OTOA: variants seen among roughly 807,000 people sequenced by gnomAD.
OTOA encodes the protein otoancorin.
A neutral mutation model predicts 110.8 loss-of-function variants in OTOA; 70 were observed. The ratio of observed to expected loss-of-function variants is 0.63; its 90% confidence interval spans 0.52 to 0.77. The LOEUF is 0.77. Ranked by LOEUF, OTOA falls within the 30% of genes least tolerant of loss-of-function variation. OTOA has a pLI of 0.00. For synonymous variants in OTOA, 373 were observed against 431.5 expected (o/e 0.86, Z 1.68); for missense variants, 917 against 1,075.8 (o/e 0.85, Z 2.06).
At chr16:21,697,689 G>T in intron 9 of OTOA, 86 bp from the exon 10 acceptor site, 1 of 1,230,870 alleles carries the variant, frequency 8.1e-7, no homozygotes, top group Non-Finnish European at 1.2e-6. Context: ...GGTCTTGACA[G>T]CAAAGATGCT....
chr16:21,705,736 C>T (rs1898151976), intron 12 of OTOA, among the ~76,000 whole-genome samples: 1 of 152,052 alleles, frequency 6.6e-6, no homozygotes, highest in Non-Finnish European at 1.5e-5. Flanking sequence ...CACCTGAGGT[C>T]AGTTTGAGAC....
chr16:21,737,003 C>G lies in OTOA; in HGVS notation c.2431+613C>G, dbSNP rs2141992. On this transcript the variant is annotated intron_variant, in intron 22 of 28. Transcript: ENST00000646100. ...AGCAGTGACAGGGCCGGGCTGGCTACATTTCACTCCTGAGTCTGCCACTTA... is the reference window on the plus strand; with the variant it reads ...AGCAGTGACAGGGCCGGGCTGGCTAGATTTCACTCCTGAGTCTGCCACTTA... Among the ~76,000 whole-genome samples the G allele has an allele frequency of 4.6e-5, 7 of 152,018 alleles. No individual in the cohort carries two copies. In the East Asian group the frequency reaches 8.0e-4, roughly 17 times the overall value.
At chr16:21,696,449 G>T (rs948120771) in intron 9 of OTOA, among the ~76,000 whole-genome samples, 3 of 152,132 alleles carry the variant, frequency 2.0e-5, no homozygotes, top group Non-Finnish European at 4.4e-5. Flanking sequence ...AGAATGTTTT[G>T]GGGAGGTACA....
chr16:21,704,776 G>GT (rs1898121692), intron 11 of OTOA, among the ~76,000 whole-genome samples: 1 of 152,278 alleles, frequency 6.6e-6, no homozygotes, highest in Non-Finnish European at 1.5e-5. Context: ...GCTCAAATCT[G>GT]TGTCTCTGAG....
At chr16:21,675,151 T>TTC (rs1202603333) in intron 1 of OTOA, among the ~76,000 whole-genome samples, 1 of 147,776 alleles carries the variant, frequency 6.8e-6, no homozygotes, top group Non-Finnish European at 1.5e-5. Context: ...TTCTTTTTCT[T>TTC]TCTCTCTCTC....
chr16:21,705,224 G>A lies in OTOA; in HGVS notation c.1036G>A (p.Ala346Thr), dbSNP rs559229159. 6.2e-7 allele frequency: 1 copy of A among 1,614,144 alleles called. No individual in the cohort carries two copies. The highest frequency in any genetic ancestry group is 1.1e-5 in the South Asian group (1 of 91,080). Reference sequence around the variant, plus strand: ...CCTGGAATTGCTGGATGCCACTGTGGCTCAAGTCCTGCTTTACCAGATGAT... The same window carrying A: ...CCTGGAATTGCTGGATGCCACTGTGACTCAAGTCCTGCTTTACCAGATGAT... ...NDLELLDATV[A>T]QVLLYQMIKC... The change falls in exon 12 of 29, where the codon GCT becomes ACT. Residue 346 changes from alanine (A) to threonine (T), a missense_variant. By Grantham distance (58) the Ala-to-Thr change is moderately conservative. Transcript: ENST00000646100.
intron 17 of OTOA, among the ~76,000 whole-genome samples, chr16:21,722,022 G>A (rs1008106148): frequency 1.3e-4 from 18 of 140,180 alleles, no homozygotes; most frequent in East Asian, 4.1e-4. Flanking sequence ...TTAGGAGTTC[G>A]AAACCAGCCT....
chr16:21,688,851 T>C (rs555345789), intron 8 of OTOA, among the ~76,000 whole-genome samples: 1 of 152,276 alleles, frequency 6.6e-6, no homozygotes, highest in African/African-American at 2.4e-5. Flanking sequence ...AACGCAAACA[T>C]TCAGTCCACA....
At chr16:21,736,999 G>T (rs1416916965) in intron 22 of OTOA, among the ~76,000 whole-genome samples, 2 of 152,306 alleles carry the variant, frequency 1.3e-5, no homozygotes, top group African/African-American at 2.4e-5. Flanking sequence ...GGCCGGGCTG[G>T]CTACATTTCA....
At chr16:21,697,037 C>CTTTTTTTTTTTTTTTTTT (rs56124254) in intron 9 of OTOA, among the ~76,000 whole-genome samples, 1 of 65,034 alleles carries the variant, frequency 1.5e-5, no homozygotes, top group African/African-American at 6.7e-5. Context: ...CTACAGCTGG[C>CTTTTTTTTTTTTTTTTTT]TTTTTTTTTT....
At chr16:21,738,868 G>A (rs1899439826) in intron 22 of OTOA, among the ~76,000 whole-genome samples, 1 of 151,760 alleles carries the variant, frequency 6.6e-6, no homozygotes, top group African/African-American at 2.4e-5. Flanking sequence ...TGGGGCTTAG[G>A]AGACTAAGGG....
chr16:21,704,662 G>A (rs140141574), intron 11 of OTOA, among the ~76,000 whole-genome samples: 2 of 152,154 alleles, frequency 1.3e-5, no homozygotes, highest in African/African-American at 4.8e-5. Flanking sequence ...AACCAAACTG[G>A]GTCTGTTTGC....
chr16:21,672,240 A>G (rs988381998), intron 1 of OTOA, among the ~76,000 whole-genome samples: 2 of 152,158 alleles, frequency 1.3e-5, no homozygotes, highest in Non-Finnish European at 1.5e-5. Context: ...GTTGTTGCCT[A>G]TATCAGTAGT....
Position 21,674,491 on chromosome 16 carries a change from G to C in OTOA, c.-4-4020G>C, listed in dbSNP as rs549740183. On this transcript the variant is annotated intron_variant, in intron 1 of 28. Transcript: ENST00000646100. Reference sequence around the variant, plus strand: ...TGGGACTACAGGCATGAGCCACCATGCCCGGCTAATATTTGTATTTTTAGT... The same window carrying C: ...TGGGACTACAGGCATGAGCCACCATCCCCGGCTAATATTTGTATTTTTAGT... Among the ~76,000 whole-genome samples, 35 of 151,960 alleles carry C rather than the reference G, an allele frequency of 2.3e-4. No homozygotes were observed. In the East Asian group the frequency reaches 6.8e-3, roughly 29 times the overall value.
rs368859144 is a variant in OTOA, at chr16:21,722,883, C to T, written c.1807-22C>T. 1.4e-5 allele frequency: 22 copies of T among 1,610,456 alleles called. No homozygotes were observed. The African/African-American group carries it at 2.4e-4, about 18-fold the overall frequency. On this transcript the variant is annotated intron_variant, in intron 17 of 28. Transcript: ENST00000646100. Reference sequence around the variant, plus strand: ...TTCTTCTTCTTACTGCATTAAATCCCCAGAACTGCTTAATCTTTCAGGTTA... The same window carrying T: ...TTCTTCTTCTTACTGCATTAAATCCTCAGAACTGCTTAATCTTTCAGGTTA...
chr16:21,696,272 C>T (rs1567372939), intron 9 of OTOA, among the ~76,000 whole-genome samples: 1 of 151,866 alleles, frequency 6.6e-6, no homozygotes, highest in African/African-American at 2.4e-5. Flanking sequence ...CAGAGAGAGT[C>T]CTCTGGGAAT....
intron 21 of OTOA, among the ~76,000 whole-genome samples, chr16:21,732,808 A>C (rs1899159472): frequency 6.8e-6 from 1 of 147,586 alleles, no homozygotes; most frequent in African/African-American, 2.4e-5. Flanking sequence ...TGCCAAATTC[A>C]GAGTGACAGT....
intron 11 of OTOA, 71 bp from the exon 12 acceptor site, chr16:21,705,098 C>A (rs539374452): frequency 6.2e-7 from 1 of 1,609,446 alleles, no homozygotes; most frequent in African/African-American, 1.3e-5. Context: ...CATTTTATTA[C>A]ACAAAATTGA....
chr16:21,750,072 G>A (rs1414066415), intron 24 of OTOA, among the ~76,000 whole-genome samples: 3 of 152,284 alleles, frequency 2.0e-5, no homozygotes, highest in Non-Finnish European at 4.4e-5. Flanking sequence ...ATCAGCACAT[G>A]TTTAGTTACA....
Sources: allele counts gnomAD v4.1 joint callset (sites outside exome capture counted in the v4.1 genomes callset), GRCh38; gene constraint gnomAD v4.1.1; transcripts MANE v1.5; gene names NCBI Gene and HGNC (gene_info 2026-07-23, HGNC 2026-07-21).